Variants in NEK11 observed in about 807,000 individuals in gnomAD.
The protein encoded by NEK11 is NIMA related kinase 11.
A neutral mutation model predicts 80.7 loss-of-function variants in NEK11; 72 were observed. The ratio of observed to expected loss-of-function variants is 0.89; its 90% CI spans 0.74 to 1.08. The LOEUF is 1.08. Among genes scored for constraint, NEK11 ranks in the 50% least tolerant of loss-of-function variants. The pLI, the probability that NEK11 is intolerant of heterozygous loss-of-function variation, is 0.00. For missense variants in NEK11, 764 were observed against 763.6 expected, an observed-to-expected ratio of 1.00 and a Z score of -0.01; for synonymous variants, 251 against 260.7, an observed-to-expected ratio of 0.96 and a Z score of 0.36.
intron 17 of NEK11, among the ~76,000 whole-genome samples, chr3:131,309,475 C>T (rs976226227): frequency 6.6e-6 from 1 of 152,182 alleles, no homozygotes; most frequent in African/African-American, 2.4e-5. Context: ...AACCTCCTCT[C>T]CTCCTACTTG....
chr3:131,201,991 C>T (rs2094250199), intron 14 of NEK11, among the ~76,000 whole-genome samples: 1 of 152,090 alleles, frequency 6.6e-6, no homozygotes, highest in Non-Finnish European at 1.5e-5. Context: ...TGCACAACCA[C>T]ACCTGGCTAA....
At chr3:131,102,102 C>T (rs1290802696) in intron 4 of NEK11, among the ~76,000 whole-genome samples, 2 of 152,002 alleles carry the variant, frequency 1.3e-5, no homozygotes, top group African/African-American at 4.8e-5. Context: ...TTACTTTGAG[C>T]CCGTGTGTAC....
intron 3 of NEK11, among the ~76,000 whole-genome samples, chr3:131,078,505 G>A (rs2074748674): frequency 6.6e-6 from 1 of 151,988 alleles, no homozygotes; most frequent in African/African-American, 2.4e-5. Flanking sequence ...GAAATGGGAT[G>A]GGGGAATACT....
At chr3:131,242,061 A>C (rs1279329074) in intron 15 of NEK11, among the ~76,000 whole-genome samples, 1 of 152,100 alleles carries the variant, frequency 6.6e-6, no homozygotes, top group Non-Finnish European at 1.5e-5. Flanking sequence ...GTTATCATGT[A>C]CTTCATGGAT....
intron 17 of NEK11, among the ~76,000 whole-genome samples, chr3:131,336,527 C>T (rs2097187301): frequency 6.6e-6 from 1 of 152,124 alleles, no homozygotes; most frequent in Non-Finnish European, 1.5e-5. Context: ...AGAAGAAAAC[C>T]TAGGTATTAC....
intron 17 of NEK11, among the ~76,000 whole-genome samples, chr3:131,332,765 T>C (rs1309358399): frequency 6.6e-6 from 1 of 152,068 alleles, no homozygotes; most frequent in Non-Finnish European, 1.5e-5. Flanking sequence ...TACAGAGAAG[T>C]GCTTAAAGGA....
At chr3:131,165,579 G>T (rs1054750443) in intron 12 of NEK11, 60 bp downstream of exon 12, 2 of 1,007,662 alleles carry the variant, frequency 2.0e-6, no homozygotes, top group Admixed American at 3.9e-5. Context: ...GATTCATGGC[G>T]ATGATTGGGT....
At chr3:131,267,173 A>G (rs1248578753) in intron 16 of NEK11, among the ~76,000 whole-genome samples, 4 of 152,344 alleles carry the variant, frequency 2.6e-5, no homozygotes, top group Non-Finnish European at 5.9e-5. Context: ...TAATTGGGGC[A>G]TTTAGCCCAT....
chr3:131,044,359 G>A (rs756944238), intron 3 of NEK11, among the ~76,000 whole-genome samples: 25 of 136,350 alleles, frequency 1.8e-4, no homozygotes, highest in Non-Finnish European at 3.2e-4. Flanking sequence ...CCCATCTCAC[G>A]TGCAAAGACA....
intron 3 of NEK11, among the ~76,000 whole-genome samples, chr3:131,058,220 AG>A (rs2070022213): frequency 6.6e-6 from 1 of 152,076 alleles, no homozygotes; most frequent in Non-Finnish European, 1.5e-5. Context: ...GTTATTTCTG[AG>A]GGCTCTGTTC....
intron 3 of NEK11, among the ~76,000 whole-genome samples, chr3:131,042,569 C>T (rs1577341617): frequency 6.6e-6 from 1 of 152,318 alleles, no homozygotes; most frequent in East Asian, 1.9e-4. Context: ...TAGATTCCTC[C>T]TCTCTGGCAG....
rs151026365 is a variant in NEK11, at chr3:131,323,406, C to T, written c.1719-26151C>T. Among the ~76,000 whole-genome samples, 315 of 152,220 alleles carry T rather than the reference C, an allele frequency of 2.1e-3. 2 individuals are homozygous for T. The highest frequency in any genetic ancestry group is 7.3e-3 in the African/African-American group (305 of 41,536). On this transcript the variant is annotated intron_variant, in intron 17 of 17. Transcript: ENST00000383366. ...ATGCAATTTCTGTAAAATGAGGTAT[C>T]GATTCCCCAATCTCAGCTGTTTTTC...
At chr3:131,326,803 G>A (rs1282800484) in intron 17 of NEK11, among the ~76,000 whole-genome samples, 1 of 152,198 alleles carries the variant, frequency 6.6e-6, no homozygotes, top group African/African-American at 2.4e-5. Context: ...TGGCTTGAAT[G>A]TGACCCCTTC....
intron 14 of NEK11, among the ~76,000 whole-genome samples, chr3:131,212,051 T>C (rs2094639577): frequency 6.6e-6 from 1 of 152,172 alleles, no homozygotes; most frequent in Non-Finnish European, 1.5e-5. Context: ...GGCGCTCTGG[T>C]TTTTAGAATT....
chr3:131,192,637 T>C (rs2093843572), intron 14 of NEK11, among the ~76,000 whole-genome samples: 1 of 152,166 alleles, frequency 6.6e-6, no homozygotes, highest in Non-Finnish European at 1.5e-5. Context: ...CATGCCACCA[T>C]GTAATGAACC....
chr3:131,315,897 T>A (rs1050476351), intron 17 of NEK11, among the ~76,000 whole-genome samples: 1 of 152,206 alleles, frequency 6.6e-6, no homozygotes, highest in Non-Finnish European at 1.5e-5. Flanking sequence ...CATTCCTTCT[T>A]ATGGCTGCAT....
rs79662686 is a variant in NEK11, at chr3:131,090,448, C to A, written c.336+9860C>A. On this transcript the variant is annotated intron_variant, in intron 4 of 17. Transcript: ENST00000383366. The stretch of plus-strand genomic sequence containing the variant: ...AATTTTGGGTCAGTTAAAGTCAATA[C>A]ATTTTTCATGAAAGTTATTTTAGCA... Among the ~76,000 whole-genome samples the A allele has an allele frequency of 4.9e-3, 749 of 152,292 alleles. 11 individuals are homozygous for A. The highest frequency in any genetic ancestry group is 0.017 in the African/African-American group (713 of 41,554).
intron 5 of NEK11, among the ~76,000 whole-genome samples, chr3:131,125,045 C>T (rs1471843453): frequency 6.6e-6 from 1 of 152,170 alleles, no homozygotes; most frequent in Non-Finnish European, 1.5e-5. Flanking sequence ...TCTAGTTTTG[C>T]TCTTCTCTTT....
chr3:131,264,409 C>G (rs1345779764), intron 16 of NEK11, among the ~76,000 whole-genome samples: 1 of 152,160 alleles, frequency 6.6e-6, no homozygotes, highest in African/African-American at 2.4e-5. Context: ...AGGAAGGGAT[C>G]CAGTTTCATC....
Sources: allele counts gnomAD v4.1 joint callset (sites outside exome capture counted in the v4.1 genomes callset), GRCh38; gene constraint gnomAD v4.1.1; transcripts MANE v1.5; gene names NCBI Gene and HGNC (gene_info 2026-07-23, HGNC 2026-07-21).